TRPM6: variants seen among roughly 807,000 people sequenced by gnomAD.
TRPM6 encodes channel kinase 2.
In TRPM6, 111 loss-of-function variants were observed where a neutral mutation model predicts 247.6. The ratio of observed to expected loss-of-function variants is 0.45; its 90% CI spans 0.38 to 0.52. TRPM6 has a LOEUF of 0.52. Among genes scored for constraint, TRPM6 ranks in the 20% least tolerant of loss-of-function variants. TRPM6 has a pLI of 0.00. For missense variants in TRPM6, 2,126 were observed against 2,421.5 expected (o/e 0.88, Z 2.56); for synonymous variants, 892 against 853.8 (o/e 1.04, Z -0.78).
intron 7 of TRPM6, among the ~76,000 whole-genome samples, chr9:74,823,154 C>A (rs1019353545): frequency 5.3e-5 from 8 of 152,160 alleles, no homozygotes; most frequent in African/African-American, 1.9e-4. Flanking sequence ...CAAAAGAGGA[C>A]TTTACTCTGA....
chr9:74,761,849 A>C (rs781549682), intron 26 of TRPM6, 41 bp from the exon 27 acceptor site: 1 of 1,525,750 alleles, frequency 6.6e-7, no homozygotes, highest in African/African-American at 1.4e-5. Flanking sequence ...GACAACAGTA[A>C]GTGGGGAACA....
intron 31 of TRPM6, 90 bp from the exon 32 acceptor site, chr9:74,744,235 A>G (rs929691724): frequency 7.2e-6 from 10 of 1,391,386 alleles, no homozygotes; most frequent in Non-Finnish European, 8.2e-6. Context: ...TTATTATTGA[A>G]CAGGTTAATC....
chr9:74,824,999 C>T (rs1829278664), intron 7 of TRPM6, among the ~76,000 whole-genome samples: 1 of 152,128 alleles, frequency 6.6e-6, no homozygotes, highest in African/African-American at 2.4e-5. Context: ...GTGGCTCACA[C>T]CTGTAATTCC....
chr9:74,746,684 A>G (rs947121325), intron 31 of TRPM6, among the ~76,000 whole-genome samples: 6 of 152,232 alleles, frequency 3.9e-5, no homozygotes, highest in South Asian at 4.1e-4. Context: ...ATAGAAACAT[A>G]GGAAAGTTTA....
intron 6 of TRPM6, among the ~76,000 whole-genome samples, chr9:74,832,587 T>A (rs995848887): frequency 1.3e-5 from 2 of 152,220 alleles, no homozygotes; most frequent in Non-Finnish European, 2.9e-5. Flanking sequence ...TTATTTGATG[T>A]CTCAAATTTG....
chr9:74,743,334 A>G lies in TRPM6; in HGVS notation c.5135-708T>C, dbSNP rs555093530. The stretch of plus-strand genomic sequence containing the variant: ...GAACAAACAACCTTATATAATTATA[A>G]CAGTAATTATCGCACCAATAAGCTC... On this transcript the variant is annotated intron_variant, in intron 32 of 38. Transcript: ENST00000360774. Among the ~76,000 whole-genome samples the G allele has an allele frequency of 7.9e-5, 12 of 152,336 alleles. No homozygotes were observed. The South Asian group carries it at 2.5e-3, about 32-fold the overall frequency.
At chr9:74,805,464 T>C (rs1471956992) in intron 14 of TRPM6, among the ~76,000 whole-genome samples, 1 of 152,146 alleles carries the variant, frequency 6.6e-6, no homozygotes, top group Non-Finnish European at 1.5e-5. Context: ...AGGAAACTTA[T>C]AAAGAAAATA....
rs1244109364 is a variant in TRPM6 at position 74,816,978 on chromosome 9, A to G, written c.1135-14T>C. ...AAATATGGTAATCTACAACAGTGAA[A>G]AACAGAGAGCCATACATTTGGGGAA... On this transcript the variant is annotated splice_polypyrimidine_tract_variant and intron_variant, in intron 9 of 38. Coordinates refer to ENST00000360774, the MANE Select transcript of TRPM6 (RefSeq NM_017662.5). The G allele has an allele frequency of 6.2e-7, 1 of 1,611,080 alleles. No homozygotes were observed. The highest frequency in any genetic ancestry group is 1.7e-5 in the Admixed American group (1 of 60,020).
At chr9:74,778,549 T>C (rs1401813197) in intron 23 of TRPM6, among the ~76,000 whole-genome samples, 1 of 152,178 alleles carries the variant, frequency 6.6e-6, no homozygotes, top group Non-Finnish European at 1.5e-5. Flanking sequence ...ACTGCAGCAT[T>C]AGGGACAGGG....
At chr9:74,825,565 C>A (rs1446460675) in intron 7 of TRPM6, among the ~76,000 whole-genome samples, 1 of 151,918 alleles carries the variant, frequency 6.6e-6, no homozygotes, top group East Asian at 1.9e-4. Flanking sequence ...TACCAGTCCA[C>A]TGGAATTGAC....
At chr9:74,822,172 A>G (rs1829153754) in intron 7 of TRPM6, among the ~76,000 whole-genome samples, 1 of 152,244 alleles carries the variant, frequency 6.6e-6, no homozygotes, top group Non-Finnish European at 1.5e-5. Flanking sequence ...GAACAATATA[A>G]TAGATCCCAA....
At position 74,821,692 on chromosome 9, in the gene TRPM6, T is replaced by C; in HGVS notation, c.987A>G (p.Thr329=). The C allele has an allele frequency of 6.2e-7, 1 of 1,614,226 alleles. No homozygotes were observed. Among genetic ancestry groups the C allele is most frequent in the Non-Finnish European group, 8.5e-7 (1 of 1,180,038 alleles). The change falls in exon 8 of 39, where the codon ACA becomes ACG. Residue 329 remains threonine (T), a synonymous_variant. Coordinates refer to ENST00000360774, the MANE Select transcript of TRPM6 (RefSeq NM_017662.5). ...ACCCTTCATCTGCCAGGTGTTTGTG[T>C]GTGAAGGCCAGGAGGTCAGCCGCCC... ...TGRAADLLAF[T]HKHLADEGML...
chr9:74,884,537 A>ATACG (rs1831471179), intron 1 of TRPM6, among the ~76,000 whole-genome samples: 2 of 151,830 alleles, frequency 1.3e-5, no homozygotes, highest in African/African-American at 4.9e-5. Flanking sequence ...ACATACATAC[A>ATACG]TACATACGTA....
Position 74,724,506 on chromosome 9 carries a change from TG to T in TRPM6, c.*106del. 1 of 1,518,640 alleles carries T rather than the reference TG, an allele frequency of 6.6e-7. No homozygotes were observed. Among genetic ancestry groups the T allele is most frequent in the South Asian group, 1.1e-5 (1 of 88,346 alleles). The allele number at this position is 1,518,640 out of a possible 1,614,324, so 94.1% of individuals were successfully genotyped here. A position where few individuals can be genotyped will look rare whatever the true frequency, so the allele number is the denominator to read the frequency against. ...AAGGAGATGTGAGGCTCAGAAGGCG[TG>T]TCCCAAGGAGACGCTGATGTAATCA... On this transcript the variant is annotated 3_prime_UTR_variant, in exon 39 of 39. Coordinates refer to ENST00000360774, the MANE Select transcript of TRPM6 (RefSeq NM_017662.5).
intron 16 of TRPM6, among the ~76,000 whole-genome samples, chr9:74,801,641 C>T (rs1336763509): frequency 6.6e-6 from 1 of 152,080 alleles, no homozygotes. Context: ...ACTAAAGCCC[C>T]GAAATCTGGT....
At position 74,771,829 on chromosome 9, in the gene TRPM6, T is replaced by C. The variant is rs1827054677; in HGVS notation, c.3410A>G (p.Tyr1137Cys). The C allele has an allele frequency of 1.2e-6, 2 of 1,613,636 alleles. No homozygotes were observed. The highest frequency in any genetic ancestry group is 1.3e-5 in the African/African-American group (1 of 75,024). Residue 1137 changes from tyrosine to cysteine, a missense_variant, in exon 25 of 39, where the codon TAC becomes TGC. Tyr to Cys is a radical substitution (Grantham distance 194). Coordinates refer to ENST00000360774, the MANE Select transcript of TRPM6 (RefSeq NM_017662.5). ...QEEGDVGLKL[Y>C]LSKEDLKKLH... ...TTTTTTCAGATCCTCCTTACTGAGG[T>C]AGAGTTCTATAGAAATAAGTATGAA... is the stretch of plus-strand genomic sequence containing the variant.
chr9:74,811,942 G>A (rs1320046026), intron 12 of TRPM6, among the ~76,000 whole-genome samples: 1 of 152,176 alleles, frequency 6.6e-6, no homozygotes, highest in South Asian at 2.1e-4. Flanking sequence ...CACAGCAGTG[G>A]ATTTTCCTCA....
At chr9:74,803,395 A>C (rs1828414036) in intron 15 of TRPM6, among the ~76,000 whole-genome samples, 1 of 152,218 alleles carries the variant, frequency 6.6e-6, no homozygotes, top group Non-Finnish European at 1.5e-5. Context: ...ATTTTTAAAA[A>C]AAGATGCAAA....
chr9:74,866,670 A>T (rs1240370587), intron 1 of TRPM6, among the ~76,000 whole-genome samples: 1 of 152,046 alleles, frequency 6.6e-6, no homozygotes, highest in African/African-American at 2.4e-5. Flanking sequence ...CAGTAGAGAC[A>T]GGGTTTTACC....
Sources: allele counts gnomAD v4.1 joint callset (sites outside exome capture counted in the v4.1 genomes callset), GRCh38; gene constraint gnomAD v4.1.1; transcripts MANE v1.5; gene names NCBI Gene and HGNC (gene_info 2026-07-23, HGNC 2026-07-21).